The following GUCY1A2 variants were observed in gnomAD, a reference collection of about 807,000 sequenced individuals.
GUCY1A2 encodes the protein guanylate cyclase 1 soluble subunit alpha 2.
In GUCY1A2, 27 loss-of-function variants were observed where a neutral mutation model predicts 63.5. The ratio of observed to expected loss-of-function variants is 0.43; its 90% CI spans 0.31 to 0.59. GUCY1A2 has a LOEUF of 0.59. Among genes scored for constraint, GUCY1A2 ranks in the 20% least tolerant of loss-of-function variants. The pLI is 0.11. For synonymous variants in GUCY1A2, 364 were observed against 343.5 expected (o/e 1.06, Z -0.66); for missense variants, 768 against 913.3 (o/e 0.84, Z 2.05).
In GUCY1A2 at chr11:106,684,037, T is replaced by C. The variant is rs916078311; in HGVS notation, c.*3512A>G. ...TTAAAAGTCTTGCTCCCCTTGTGAATGAGATTTTGTTTAAGTTGTTATTAT... is the reference window on the plus strand; with the variant it reads ...TTAAAAGTCTTGCTCCCCTTGTGAACGAGATTTTGTTTAAGTTGTTATTAT... On this transcript the variant is annotated 3_prime_UTR_variant, in exon 8 of 8. Transcript: ENST00000526355. 2 of 190,746 alleles carry C rather than the reference T, an allele frequency of 1.0e-5. No homozygotes were observed. Among genetic ancestry groups the C allele is most frequent in the Non-Finnish European group, 2.2e-5 (2 of 90,982 alleles). The allele number at this position is 190,746 out of a possible 1,614,324, so 11.8% of individuals were successfully genotyped here. A position where few individuals can be genotyped will look rare whatever the true frequency, so the allele number is the denominator to read the frequency against.
At chr11:106,997,689 G>A (rs532043004) in intron 1 of GUCY1A2, among the ~76,000 whole-genome samples, 1 of 128,350 alleles carries the variant, frequency 7.8e-6, no homozygotes, top group South Asian at 2.5e-4. Context: ...AGAAATAATA[G>A]CATGGTAGAA....
intron 3 of GUCY1A2, among the ~76,000 whole-genome samples, chr11:106,963,950 T>C (rs902446221): frequency 2.0e-5 from 3 of 152,124 alleles, no homozygotes; most frequent in Non-Finnish European, 4.4e-5. Context: ...GTATAAAAAT[T>C]CTCATATTCA....
chr11:106,837,579 C>T (rs1316639558), intron 4 of GUCY1A2, among the ~76,000 whole-genome samples: 2 of 151,952 alleles, frequency 1.3e-5, no homozygotes, highest in Non-Finnish European at 2.9e-5. Context: ...CACTGCTTTC[C>T]ACATAACTAA....
chr11:106,716,795 GATA>G (rs1565267703), intron 6 of GUCY1A2, among the ~76,000 whole-genome samples: 2 of 87,658 alleles, frequency 2.3e-5, no homozygotes, highest in African/African-American at 5.2e-5. Flanking sequence ...AAAAAAAAAA[GATA>G]AGAGTAAATC....
intron 4 of GUCY1A2, among the ~76,000 whole-genome samples, chr11:106,844,385 C>T (rs1373283116): frequency 6.6e-6 from 1 of 151,680 alleles, no homozygotes; most frequent in African/African-American, 2.4e-5. Flanking sequence ...ACCTAAGAAA[C>T]ATTTATCACC....
intron 4 of GUCY1A2, among the ~76,000 whole-genome samples, chr11:106,825,774 G>A (rs1858961121): frequency 6.6e-6 from 1 of 152,192 alleles, no homozygotes; most frequent in South Asian, 2.1e-4. Flanking sequence ...AAAAAAAATT[G>A]CAAGAAAAAT....
At position 106,680,145 on chromosome 11, in the gene GUCY1A2, C is replaced by G. The variant is rs1302798956; in HGVS notation, c.*7404G>C. The G allele has an allele frequency of 4.2e-5, 9 of 214,732 alleles. No individual in the cohort carries two copies. The highest frequency in any genetic ancestry group is 8.5e-5 in the Non-Finnish European group (9 of 106,508). 13.3% of individuals were successfully genotyped at this position (214,732 alleles called of 1,614,324 possible). A position where few individuals can be genotyped will look rare whatever the true frequency, so the allele number is the denominator to read the frequency against. Reference sequence around the variant, plus strand: ...TTCTAAAGCTCCTGCCCACCTCACTCACTCCATTTGTCCCTTTGTCCTGAG... The same window carrying G: ...TTCTAAAGCTCCTGCCCACCTCACTGACTCCATTTGTCCCTTTGTCCTGAG... On this transcript the variant is annotated 3_prime_UTR_variant, in exon 8 of 8. Transcript: ENST00000526355.
At chr11:107,017,132 G>A (rs866136298) in intron 1 of GUCY1A2, among the ~76,000 whole-genome samples, 40 of 152,104 alleles carry the variant, frequency 2.6e-4, no homozygotes, top group African/African-American at 9.7e-4. Flanking sequence ...AAAGCTACGG[G>A]GTGAGGACAA....
chr11:106,764,625 T>G (rs1053687592), intron 6 of GUCY1A2, among the ~76,000 whole-genome samples: 3 of 151,886 alleles, frequency 2.0e-5, no homozygotes, highest in Non-Finnish European at 4.4e-5. Context: ...ATTATACAGG[T>G]GTATGTGTAT....
At chr11:106,834,270 C>A (rs1054548839) in intron 4 of GUCY1A2, among the ~76,000 whole-genome samples, 2 of 151,964 alleles carry the variant, frequency 1.3e-5, no homozygotes, top group Non-Finnish European at 2.9e-5. Flanking sequence ...ATGTATTAGC[C>A]TTTTTGCAGT....
intron 4 of GUCY1A2, among the ~76,000 whole-genome samples, chr11:106,919,336 A>G (rs911602677): frequency 3.9e-5 from 6 of 152,144 alleles, no homozygotes; most frequent in African/African-American, 1.4e-4. Context: ...ACAATACTGT[A>G]TTGTACACTG....
rs372720016 is a variant in GUCY1A2, at chr11:106,870,109, G to T, written c.1207-59631C>A. 2.1e-4 allele frequency among the ~76,000 whole-genome samples: 28 copies of T among 131,794 alleles called. No individual in the cohort carries two copies. The East Asian group carries it at 2.5e-3, about 12-fold the overall frequency. 86.5% of individuals were successfully genotyped at this position (131,794 alleles called of 152,430 possible). A position where few individuals can be genotyped will look rare whatever the true frequency, so the allele number is the denominator to read the frequency against. On this transcript the variant is annotated intron_variant, in intron 4 of 7. Transcript: ENST00000526355. ...ATCACACACCAGGGCCTCTTGTGAGGGGGGGGGAGGGGGGAGGGATAGCAT... is the reference window on the plus strand; with the variant it reads ...ATCACACACCAGGGCCTCTTGTGAGTGGGGGGGAGGGGGGAGGGATAGCAT...
intron 1 of GUCY1A2, among the ~76,000 whole-genome samples, chr11:106,987,417 G>A (rs981382705): frequency 2.0e-5 from 3 of 152,288 alleles, no homozygotes; most frequent in South Asian, 2.1e-4. Flanking sequence ...TTGGGAGGCC[G>A]AGGCACGTGG....
At chr11:106,982,609 C>T (rs531708863) in intron 2 of GUCY1A2, among the ~76,000 whole-genome samples, 7 of 152,026 alleles carry the variant, frequency 4.6e-5, no homozygotes, top group Admixed American at 2.0e-4. Context: ...ATACTTTAGA[C>T]GGGGTGATCA....
intron 7 of GUCY1A2, among the ~76,000 whole-genome samples, chr11:106,689,729 G>A (rs768888992): frequency 3.3e-5 from 5 of 152,064 alleles, no homozygotes; most frequent in Admixed American, 6.5e-5. Flanking sequence ...GGTGGCTCAC[G>A]CCTGTAATCC....
At chr11:106,761,185 T>C (rs1864059906) in intron 6 of GUCY1A2, among the ~76,000 whole-genome samples, 2 of 152,350 alleles carry the variant, frequency 1.3e-5, no homozygotes, top group African/African-American at 2.4e-5. Flanking sequence ...TGCTAACTAG[T>C]TAGATAACTT....
intron 6 of GUCY1A2, among the ~76,000 whole-genome samples, chr11:106,748,203 T>C (rs1863823108): frequency 6.6e-6 from 1 of 152,210 alleles, no homozygotes; most frequent in African/African-American, 2.4e-5. Context: ...TAAAAGGTGA[T>C]TATGATAATA....
intron 4 of GUCY1A2, among the ~76,000 whole-genome samples, chr11:106,848,985 A>T (rs1254211679): frequency 6.6e-6 from 1 of 151,666 alleles, no homozygotes; most frequent in Admixed American, 6.6e-5. Flanking sequence ...ATTCTATTTC[A>T]CAGAGCTACC....
At chr11:106,887,476 T>A (rs1489253198) in intron 4 of GUCY1A2, among the ~76,000 whole-genome samples, 1 of 152,182 alleles carries the variant, frequency 6.6e-6, no homozygotes, top group African/African-American at 2.4e-5. Context: ...AATCTCAAAA[T>A]CTGAAAGTCA....
Sources: allele counts gnomAD v4.1 joint callset (sites outside exome capture counted in the v4.1 genomes callset), GRCh38; gene constraint gnomAD v4.1.1; transcripts MANE v1.5; gene names NCBI Gene and HGNC (gene_info 2026-07-23, HGNC 2026-07-21).